The following BAHCC1 variants were observed in gnomAD, a reference collection of about 807,000 sequenced individuals.
BAHCC1 encodes the protein BAH domain and coiled-coil containing 1.
Under a neutral mutation model 88.2 loss-of-function variants are expected in BAHCC1, and 43 were observed. That is an observed-to-expected ratio of 0.49 (90% confidence interval 0.38 to 0.63). The LOEUF (loss-of-function observed/expected upper bound fraction) is 0.63, where lower values mean the gene tolerates loss of function less well. Ranked by LOEUF, BAHCC1 falls within the 20% of genes least tolerant of loss-of-function variation. The pLI, the probability that BAHCC1 is intolerant of heterozygous loss-of-function variation, is 0.00. For synonymous variants in BAHCC1, 1,510 were observed against 745.5 expected, an observed-to-expected ratio of 2.03 and a Z score of -16.71; for missense variants, 3,023 against 1,654.8, an observed-to-expected ratio of 1.83 and a Z score of -14.34.
rs1343966564 is a variant in BAHCC1 at position 81,442,961 on chromosome 17, G to T, written c.1612G>T (p.Ala538Ser). The change falls in exon 5 of 28, where the codon GCA becomes TCA. Residue 538 changes from alanine to serine, a missense_variant. By Grantham distance (99) the Ala-to-Ser change is moderately conservative. Coordinates refer to ENST00000675386, the MANE Select transcript of BAHCC1 (RefSeq NM_001377448.1). The stretch of plus-strand genomic sequence containing the variant: ...GGAAGCCCCGGCCGGCCCCCCAGGG[G>T]CACAGAAGGTGGCCCGCATCAGGCA... ...GKEAPAGPPGAQKVARIRHQQ... is the reference protein window; with the variant it reads ...GKEAPAGPPGSQKVARIRHQQ... 2 of 779,026 alleles carry T rather than the reference G, an allele frequency of 2.6e-6. No individual in the cohort carries two copies. The highest frequency in any genetic ancestry group is 4.8e-6 in the Non-Finnish European group (2 of 417,862). 48.3% of individuals were successfully genotyped at this position (779,026 alleles called of 1,614,324 possible).
chr17:81,452,880 C>T lies in BAHCC1; in HGVS notation c.4445+29C>T, dbSNP rs782172788. The T allele has an allele frequency of 7.0e-6, 5 of 710,474 alleles. No individual in the cohort carries two copies. The African/African-American group carries it at 9.1e-5, about 13-fold the overall frequency. 44.0% of individuals were successfully genotyped at this position (710,474 alleles called of 1,614,324 possible). A position where few individuals can be genotyped will look rare whatever the true frequency, so the allele number is the denominator to read the frequency against. ...AGTCCTGGGCACTGGCATGGCAGGG[C>T]GCGTGTGGCCGGCCCTGGGCCCTCG... is the stretch of plus-strand genomic sequence containing the variant. On this transcript the variant is annotated intron_variant, in intron 14 of 27. Coordinates refer to ENST00000675386, the MANE Select transcript of BAHCC1 (RefSeq NM_001377448.1).
chr17:81,428,790 C>T (rs2064228828), intron 3 of BAHCC1, among the ~76,000 whole-genome samples: 1 of 152,256 alleles, frequency 6.6e-6, no homozygotes, highest in Non-Finnish European at 1.5e-5. Flanking sequence ...CCACATCCCA[C>T]CCCGGGGACC....
chr17:81,447,683 G>T lies in BAHCC1; in HGVS notation c.3811G>T (p.Gly1271Trp), dbSNP rs781792700. ...DALVAATINL[G>W]DLPSDSPPDP... ...CTTGGTGGCCGCCACCATCAACCTG[G>T]GGGACCTGCCCAGCGACAGCCCACC... Residue 1271 changes from glycine to tryptophan, a missense_variant, in exon 11 of 28, where the codon GGG (glycine) becomes TGG (tryptophan). Coordinates refer to ENST00000675386, the MANE Select transcript of BAHCC1 (RefSeq NM_001377448.1). 8 of 738,458 alleles carry T rather than the reference G, an allele frequency of 1.1e-5. No homozygotes were observed. The highest frequency in any genetic ancestry group is 1.8e-5 in the Non-Finnish European group (7 of 397,654). 45.7% of individuals were successfully genotyped at this position (738,458 alleles called of 1,614,324 possible). A position where few individuals can be genotyped will look rare whatever the true frequency, so the allele number is the denominator to read the frequency against.
In BAHCC1 at chr17:81,405,158, C is replaced by T. The variant is rs537151888; in HGVS notation, c.178+5241C>T. Among the ~76,000 whole-genome samples, 3 of 152,320 alleles carry T rather than the reference C, an allele frequency of 2.0e-5. No individual in the cohort carries two copies. The South Asian group carries it at 6.2e-4, about 32-fold the overall frequency. On this transcript the variant is annotated intron_variant, in intron 2 of 27. Transcript: ENST00000675386. ...CACTGCCTCACTGCAACCTCTGCCT[C>T]CCTGGTTCAAGCCATTGTCGTGCCT...
At chr17:81,425,284 G>A (rs1166994145) in intron 2 of BAHCC1, among the ~76,000 whole-genome samples, 1 of 61,598 alleles carries the variant, frequency 1.6e-5, no homozygotes, top group African/African-American at 7.5e-5. Flanking sequence ...AGTGGTGGGT[G>A]TGTAGTTGGG....
chr17:81,429,374 G>A (rs1282451999), intron 3 of BAHCC1, among the ~76,000 whole-genome samples: 3 of 152,206 alleles, frequency 2.0e-5, no homozygotes, highest in Non-Finnish European at 4.4e-5. Context: ...CACCCCCCGG[G>A]ATCCCCTCCC....
chr17:81,414,205 C>G lies in BAHCC1; in HGVS notation c.179-12595C>G, dbSNP rs797023166. ...GGCAGCAGAGCGGCTCCTCCCATGG[C>G]AGGACCTGTGCTGGGGCAGGGGCAA... On this transcript the variant is annotated intron_variant, in intron 2 of 27. Transcript: ENST00000675386. Among the ~76,000 whole-genome samples, 10 of 152,208 alleles carry G rather than the reference C, an allele frequency of 6.6e-5. 1 individual carries two copies. Among genetic ancestry groups the G allele is most frequent in the African/African-American group, 2.4e-4 (10 of 41,452 alleles).
intron 2 of BAHCC1, among the ~76,000 whole-genome samples, chr17:81,407,759 A>C (rs2063899076): frequency 6.6e-6 from 1 of 152,190 alleles, no homozygotes; most frequent in South Asian, 2.1e-4. Flanking sequence ...AGGTTCACTG[A>C]CCAAGCTCAC....
At chr17:81,436,386 CGG>C (rs2064336487) in intron 3 of BAHCC1, among the ~76,000 whole-genome samples, 1 of 152,226 alleles carries the variant, frequency 6.6e-6, no homozygotes, top group Non-Finnish European at 1.5e-5. Flanking sequence ...CCGCAGAGAG[CGG>C]ATGGGCTGGA....
chr17:81,452,678 C>G, intron 13 of BAHCC1, 45 bp from the exon 14 acceptor site: 1 of 698,668 alleles, frequency 1.4e-6, no homozygotes, highest in South Asian at 1.6e-5. Context: ...TGTCGGGGAG[C>G]TGGGTTGTGC....
At chr17:81,446,992 A>G (rs782609655) in intron 10 of BAHCC1, 44 bp from the exon 11 acceptor site, 4 of 775,282 alleles carry the variant, frequency 5.2e-6, no homozygotes, top group East Asian at 2.4e-5. Flanking sequence ...ACACCCCCTC[A>G]CCACCACTCC....
chr17:81,406,374 C>A (rs926491831), intron 2 of BAHCC1, among the ~76,000 whole-genome samples: 2 of 152,200 alleles, frequency 1.3e-5, no homozygotes, highest in African/African-American at 4.8e-5. Flanking sequence ...TCCCAGCCCC[C>A]GCTCCCCGCC....
chr17:81,441,429 A>G (rs557044104), intron 4 of BAHCC1, among the ~76,000 whole-genome samples: 83 of 152,256 alleles, frequency 5.5e-4, no homozygotes, highest in African/African-American at 1.8e-3. Context: ...TTGGGAGGCC[A>G]AGGCGGGTGG....
In BAHCC1 at chr17:81,461,572, G is replaced by A. The variant is rs2279156; in HGVS notation, c.6909G>A (p.Ala2303=). The change falls in exon 26 of 28, where the codon GCG becomes GCA. Residue 2303 remains alanine, a synonymous_variant. Coordinates refer to ENST00000675386, the MANE Select transcript of BAHCC1 (RefSeq NM_001377448.1). ...SDEDEDGPGL[A]AGVPSRFLAR... ...AGGACGAGGACGGGCCGGGGCTGGC[G>A]GCCGGCGTGCCCTCCCGCTTCCTCG... 7.9e-3 allele frequency: 5,680 copies of A among 720,272 alleles called. 153 individuals are homozygous for A. The highest frequency in any genetic ancestry group is 0.067 in the East Asian group (2,511 of 37,614). 44.6% of individuals were successfully genotyped at this position (720,272 alleles called of 1,614,324 possible). A position where few individuals can be genotyped will look rare whatever the true frequency, so the allele number is the denominator to read the frequency against.
chr17:81,415,226 T>C (rs1257409818), intron 2 of BAHCC1, among the ~76,000 whole-genome samples: 1 of 152,230 alleles, frequency 6.6e-6, no homozygotes, highest in Admixed American at 6.5e-5. Context: ...CCCATCTTCC[T>C]GGACCCTGGG....
In BAHCC1 at chr17:81,443,928, G is replaced by T; in HGVS notation, c.2324+11G>T. ...CGAGCTGCTGCTGCAGTGAGAGCTG[G>T]GCCTGTGGCCCTGGAGAGTGGGGCT... On this transcript the variant is annotated intron_variant, in intron 6 of 27. Transcript: ENST00000675386. 1.4e-6 allele frequency: 1 copy of T among 708,754 alleles called. No homozygotes were observed. Among genetic ancestry groups the T allele is most frequent in the Non-Finnish European group, 2.6e-6 (1 of 384,708 alleles). The allele number at this position is 708,754 out of a possible 1,614,324, so 43.9% of individuals were successfully genotyped here.
At chr17:81,418,690 T>C (rs1328540508) in intron 2 of BAHCC1, among the ~76,000 whole-genome samples, 1 of 152,160 alleles carries the variant, frequency 6.6e-6, no homozygotes, top group Non-Finnish European at 1.5e-5. Flanking sequence ...TTTGAGGACT[T>C]GCCCAGCTGT....
At chr17:81,455,182 G>A (rs2064724134) in intron 14 of BAHCC1, 85 bp from the exon 15 acceptor site, 1 of 669,366 alleles carries the variant, frequency 1.5e-6, no homozygotes, top group Admixed American at 2.1e-5. Flanking sequence ...GACCCACAGT[G>A]TGACCCACTA....
rs114982339 is a variant in BAHCC1, at chr17:81,462,054, C to T, written c.7383+8C>T. Reference sequence around the variant, plus strand: ...TCGGGGAATCCCACACAGGTAGGTCCAGCGGGAGGCGGGAGGAGCTCCTGG... The same window carrying T: ...TCGGGGAATCCCACACAGGTAGGTCTAGCGGGAGGCGGGAGGAGCTCCTGG... On this transcript the variant is annotated splice_region_variant and intron_variant, in intron 26 of 27. Transcript: ENST00000675386. 1.7e-3 allele frequency: 1,240 copies of T among 749,140 alleles called. 3 individuals are homozygous for T. The African/African-American group carries it at 0.019, about 11-fold the overall frequency. 46.4% of individuals were successfully genotyped at this position (749,140 alleles called of 1,614,324 possible). A position where few individuals can be genotyped will look rare whatever the true frequency, so the allele number is the denominator to read the frequency against.
Sources: gnomAD v4.1 joint callset for allele counts (sites outside exome capture counted in the v4.1 genomes callset) on GRCh38, gnomAD v4.1.1 for gene constraint, MANE v1.5 for transcripts, NCBI Gene and HGNC (gene_info 2026-07-23, HGNC 2026-07-21) for gene names.